Variants in SUMF1 observed in about 807,000 individuals in gnomAD.
The protein encoded by SUMF1 is sulfatase modifying factor 1.
A neutral mutation model predicts 47.6 loss-of-function variants in SUMF1; 48 were observed. That is an observed-to-expected ratio of 1.01 (90% CI 0.80 to 1.28). The LOEUF (loss-of-function observed/expected upper bound fraction) is 1.28. Ranked by LOEUF, SUMF1 falls within the 50% of genes most tolerant of loss-of-function variation. The pLI is 0.00. For synonymous variants in SUMF1, 230 were observed against 192.1 expected (o/e 1.20, Z -1.63); for missense variants, 571 against 485.4 (o/e 1.18, Z -1.66).
Position 4,270,853 on chromosome 3 carries a change from T to C in SUMF1, c.1014+105477A>G, listed in dbSNP as rs1239195126. On this transcript the variant is annotated intron_variant and NMD_transcript_variant, in intron 8 of 12. Transcript: ENST00000448413. The stretch of plus-strand genomic sequence containing the variant: ...TTAGGAACTTCCCTAAAGGGCTTGG[T>C]ATTCTTAAATAGCATTTCACCCAGG... Among the ~76,000 whole-genome samples, 3 of 152,212 alleles carry C rather than the reference T, an allele frequency of 2.0e-5. No homozygotes were observed. In the East Asian group the frequency reaches 5.8e-4, roughly 29 times the overall value.
chr3:4,070,085 C>G (rs556090592), intron 8 of SUMF1, among the ~76,000 whole-genome samples: 106 of 152,242 alleles, frequency 7.0e-4, no homozygotes, highest in African/African-American at 2.3e-3. Flanking sequence ...TCCATTGATC[C>G]CAGGTCTTCA....
At chr3:4,128,561 T>C (rs1016726085) in intron 8 of SUMF1, among the ~76,000 whole-genome samples, 2 of 152,074 alleles carry the variant, frequency 1.3e-5, no homozygotes, top group Non-Finnish European at 2.9e-5. Flanking sequence ...TACATTCTCC[T>C]CAGGAGCCAT....
intron 4 of SUMF1, among the ~76,000 whole-genome samples, chr3:4,419,358 C>T (rs1559287960): frequency 6.6e-6 from 1 of 152,080 alleles, no homozygotes; most frequent in Non-Finnish European, 1.5e-5. Context: ...CGCAGCTCCC[C>T]GACAATAAGG....
At chr3:4,087,742 C>T (rs893478669) in intron 8 of SUMF1, among the ~76,000 whole-genome samples, 31 of 151,846 alleles carry the variant, frequency 2.0e-4, no homozygotes, top group Admixed American at 8.5e-4. Context: ...ACAATTAAAA[C>T]AGCACCATTT....
chr3:4,201,176 T>C (rs558765962), intron 8 of SUMF1, among the ~76,000 whole-genome samples: 1 of 152,184 alleles, frequency 6.6e-6, no homozygotes, highest in Admixed American at 6.5e-5. Context: ...TTCTAAAATG[T>C]ACAACAAACT....
intron 7 of SUMF1, among the ~76,000 whole-genome samples, chr3:4,384,279 C>T (rs1290603854): frequency 1.3e-5 from 2 of 152,266 alleles, no homozygotes; most frequent in South Asian, 2.1e-4. Flanking sequence ...TTATGGGTAA[C>T]CGTTGATTCA....
chr3:4,323,378 G>A (rs947249112), intron 8 of SUMF1, among the ~76,000 whole-genome samples: 10 of 152,144 alleles, frequency 6.6e-5, no homozygotes, highest in Admixed American at 2.0e-4. Context: ...TGCCAGGGCC[G>A]GGAGCAGGAA....
At chr3:4,391,835 T>TC (rs1700876049) in intron 7 of SUMF1, among the ~76,000 whole-genome samples, 1 of 92,238 alleles carries the variant, frequency 1.1e-5, no homozygotes, top group Admixed American at 1.3e-4. Flanking sequence ...TCTTTTCTTT[T>TC]TTTTTTTTTT....
rs75568533 is a variant in SUMF1, at chr3:4,144,413, A to G, written c.1015-75668T>C. 1.8e-4 allele frequency among the ~76,000 whole-genome samples: 27 copies of G among 152,266 alleles called. No homozygotes were observed. The East Asian group carries it at 5.0e-3, about 28-fold the overall frequency. Reference sequence around the variant, plus strand: ...TGGAGGAAGGCAGAAAACAATGTGAAGCATGGGAGCTTTGGACTCTGACAG... The same window carrying G: ...TGGAGGAAGGCAGAAAACAATGTGAGGCATGGGAGCTTTGGACTCTGACAG... On this transcript the variant is annotated intron_variant and NMD_transcript_variant, in intron 8 of 12. Transcript: ENST00000448413.
intron 8 of SUMF1, among the ~76,000 whole-genome samples, chr3:4,367,119 C>A (rs192750256): frequency 1.3e-5 from 2 of 151,870 alleles, no homozygotes; most frequent in Admixed American, 1.3e-4. Context: ...AGGTGTCAGT[C>A]TGCCCCTACT....
chr3:4,147,257 C>T lies in SUMF1; in HGVS notation c.1015-78512G>A, dbSNP rs1470531063. Among the ~76,000 whole-genome samples, 6 of 150,878 alleles carry T rather than the reference C, an allele frequency of 4.0e-5. No individual in the cohort carries two copies. In the East Asian group the frequency reaches 5.9e-4, roughly 15 times the overall value. On this transcript the variant is annotated intron_variant and NMD_transcript_variant, in intron 8 of 12. Coordinates refer to the SUMF1 transcript ENST00000448413. Reference sequence around the variant, plus strand: ...TCAACCATTGTGGAAGTCAGTGTGGCGATTCCTCAGGGATCTAGAACTAGA... The same window carrying T: ...TCAACCATTGTGGAAGTCAGTGTGGTGATTCCTCAGGGATCTAGAACTAGA...
chr3:4,224,226 T>C (rs542996748), intron 8 of SUMF1, among the ~76,000 whole-genome samples: 13 of 151,960 alleles, frequency 8.6e-5, no homozygotes, highest in Non-Finnish European at 4.4e-5. Context: ...AAAAGCAAGG[T>C]AGGTTAGTTT....
chr3:4,314,824 C>T (rs923725367), intron 8 of SUMF1, among the ~76,000 whole-genome samples: 1 of 152,130 alleles, frequency 6.6e-6, no homozygotes, highest in Non-Finnish European at 1.5e-5. Flanking sequence ...AAAATAATTA[C>T]TAGAGCCCCT....
chr3:4,094,697 G>C (rs377646478), intron 8 of SUMF1, among the ~76,000 whole-genome samples: 1 of 152,056 alleles, frequency 6.6e-6, no homozygotes, highest in Non-Finnish European at 1.5e-5. Flanking sequence ...GTGCCAGCCT[G>C]TGCTCAAAAC....
chr3:4,262,861 C>A (rs1697115302), intron 8 of SUMF1, among the ~76,000 whole-genome samples: 1 of 152,036 alleles, frequency 6.6e-6, no homozygotes, highest in East Asian at 1.9e-4. Context: ...GTTTGTTTGT[C>A]TAAGGAAAAT....
At chr3:4,244,754 G>A (rs961901642) in intron 8 of SUMF1, among the ~76,000 whole-genome samples, 2 of 152,060 alleles carry the variant, frequency 1.3e-5, no homozygotes, top group African/African-American at 4.8e-5. Flanking sequence ...TATTCTCGTG[G>A]AGTATCTCTC....
chr3:4,392,549 A>G (rs1700901039), intron 7 of SUMF1, among the ~76,000 whole-genome samples: 1 of 150,806 alleles, frequency 6.6e-6, no homozygotes, highest in African/African-American at 2.4e-5. Context: ...AAGATTACAT[A>G]TATAATCTTA....
intron 8 of SUMF1, among the ~76,000 whole-genome samples, chr3:4,165,819 C>A (rs1395369391): frequency 6.8e-6 from 1 of 147,670 alleles, no homozygotes; most frequent in Non-Finnish European, 1.5e-5. Flanking sequence ...CTGAGTGTTT[C>A]CCAGCTGAAA....
At chr3:4,178,794 A>G (rs547566532) in intron 8 of SUMF1, among the ~76,000 whole-genome samples, 4 of 152,304 alleles carry the variant, frequency 2.6e-5, no homozygotes, top group African/African-American at 9.6e-5. Context: ...AGAAAACCCC[A>G]CAGTCTCAGC....
Sources: allele counts gnomAD v4.1 joint callset (sites outside exome capture counted in the v4.1 genomes callset), GRCh38; gene constraint gnomAD v4.1.1; transcripts MANE v1.5; gene names NCBI Gene and HGNC (gene_info 2026-07-23, HGNC 2026-07-21).